RBMS3: variants seen among roughly 807,000 people sequenced by gnomAD.
The protein encoded by RBMS3 is RNA binding motif single stranded interacting protein 3, also known as RNA-binding motif, single-stranded-interacting protein 3.
RBMS3 carries 27 observed loss-of-function variants against 66.8 expected under a neutral mutation model. That is an observed-to-expected ratio of 0.40 (90% CI 0.30 to 0.56). The LOEUF (loss-of-function observed/expected upper bound fraction) is 0.56. RBMS3 is among the 20% of genes least tolerant of loss of function. The pLI is 0.40. For missense variants in RBMS3, 513 were observed against 549.5 expected (o/e 0.93, Z 0.66); for synonymous variants, 188 against 183.0 (o/e 1.03, Z -0.22).
At chr3:29,820,188 C>CAAAAAAAAAAAAAAA (rs71091078) in intron 6 of RBMS3, among the ~76,000 whole-genome samples, 4 of 69,818 alleles carry the variant, frequency 5.7e-5, no homozygotes, top group Non-Finnish European at 7.6e-5. Context: ...GACTTCTTCT[C>CAAAAAAAAAAAAAAA]AAAAAAAAAA....
intron 4 of RBMS3, 43 bp from the exon 5 acceptor site, chr3:29,739,677 C>G: frequency 6.8e-7 from 1 of 1,479,384 alleles, no homozygotes; most frequent in African/African-American, 1.4e-5. Context: ...CAATGTTTCT[C>G]AATACTCAGA....
intron 6 of RBMS3, among the ~76,000 whole-genome samples, chr3:29,832,217 A>G (rs1247764891): frequency 1.3e-5 from 2 of 152,226 alleles, no homozygotes; most frequent in African/African-American, 4.8e-5. Context: ...AAAGACACAT[A>G]CAAAGAGAGA....
intron 4 of RBMS3, among the ~76,000 whole-genome samples, chr3:29,712,484 T>C (rs1013389932): frequency 3.3e-5 from 5 of 152,054 alleles, no homozygotes; most frequent in African/African-American, 9.7e-5. Context: ...TGATAATGTT[T>C]ATAGTTTTTG....
intron 4 of RBMS3, among the ~76,000 whole-genome samples, chr3:29,678,519 G>A (rs148863406): frequency 3.7e-4 from 56 of 152,212 alleles, no homozygotes; most frequent in African/African-American, 1.3e-3. Context: ...TAGGGCAAAT[G>A]AAAACTGGCT....
At chr3:29,448,095 TG>T (rs1333202467) in intron 2 of RBMS3, among the ~76,000 whole-genome samples, 89 of 152,344 alleles carry the variant, frequency 5.8e-4, no homozygotes, top group East Asian at 2.9e-3. Flanking sequence ...ATGGGTGACC[TG>T]CATGTCTCAA....
chr3:29,305,894 A>G (rs2033975151), intron 1 of RBMS3, among the ~76,000 whole-genome samples: 1 of 152,052 alleles, frequency 6.6e-6, no homozygotes, highest in South Asian at 2.1e-4. Context: ...TCAAAATAGT[A>G]AACTGCATAG....
chr3:29,500,626 G>C (rs899235554), intron 3 of RBMS3, among the ~76,000 whole-genome samples: 2 of 151,856 alleles, frequency 1.3e-5, no homozygotes, highest in African/African-American at 4.8e-5. Flanking sequence ...ACAGTATTCA[G>C]TATTGCAATA....
chr3:29,491,924 C>T (rs1017311097), intron 3 of RBMS3, among the ~76,000 whole-genome samples: 5 of 151,714 alleles, frequency 3.3e-5, no homozygotes, highest in African/African-American at 7.3e-5. Context: ...ACCCAGGAGG[C>T]GGAGCTTGCA....
At chr3:29,393,362 A>T (rs925103913) in intron 1 of RBMS3, among the ~76,000 whole-genome samples, 4 of 152,222 alleles carry the variant, frequency 2.6e-5, no homozygotes, top group African/African-American at 9.6e-5. Flanking sequence ...TTATAAATAC[A>T]GTACAGTGTT....
At chr3:29,510,664 G>A (rs957353622) in intron 3 of RBMS3, among the ~76,000 whole-genome samples, 1 of 151,988 alleles carries the variant, frequency 6.6e-6, no homozygotes, top group Non-Finnish European at 1.5e-5. Context: ...TTTTCTTGGA[G>A]CATGAATTTT....
chr3:29,385,834 T>C (rs976446100), intron 1 of RBMS3, among the ~76,000 whole-genome samples: 3 of 152,238 alleles, frequency 2.0e-5, no homozygotes, highest in South Asian at 4.1e-4. Context: ...ATCTTACTTT[T>C]GGGTCGTTTG....
intron 6 of RBMS3, among the ~76,000 whole-genome samples, chr3:29,823,423 C>T (rs1353931680): frequency 6.6e-6 from 1 of 152,150 alleles, no homozygotes; most frequent in Non-Finnish European, 1.5e-5. Context: ...ATTCTCATAG[C>T]TGTGTAGTAT....
chr3:29,915,884 TGTA>T, intron 10 of RBMS3, among the ~76,000 whole-genome samples: 1 of 152,150 alleles, frequency 6.6e-6, no homozygotes, highest in South Asian at 2.1e-4. Flanking sequence ...TGCAAAAGCA[TGTA>T]GCTTTAGTCT....
intron 4 of RBMS3, among the ~76,000 whole-genome samples, chr3:29,735,122 C>T (rs995708056): frequency 2.6e-5 from 4 of 152,054 alleles, no homozygotes; most frequent in East Asian, 1.9e-4. Context: ...AAAACCCAGA[C>T]GTAACCTTTG....
chr3:29,639,680 G>T (rs1167630655), intron 4 of RBMS3, among the ~76,000 whole-genome samples: 36 of 151,500 alleles, frequency 2.4e-4, no homozygotes. Flanking sequence ...AGCTGGCCTT[G>T]GAAGTCCTCT....
intron 4 of RBMS3, among the ~76,000 whole-genome samples, chr3:29,718,935 A>G (rs1240211003): frequency 6.6e-6 from 1 of 152,170 alleles, no homozygotes; most frequent in African/African-American, 2.4e-5. Flanking sequence ...TGAATATTAG[A>G]GTGGGCTAGC....
intron 6 of RBMS3, among the ~76,000 whole-genome samples, chr3:29,838,936 A>T (rs1180132856): frequency 6.6e-6 from 1 of 152,128 alleles, no homozygotes; most frequent in Non-Finnish European, 1.5e-5. Flanking sequence ...GAAATTCACT[A>T]GTTTATGTTA....
At chr3:29,782,508 G>A (rs543833077) in intron 6 of RBMS3, among the ~76,000 whole-genome samples, 3 of 152,274 alleles carry the variant, frequency 2.0e-5, no homozygotes, top group South Asian at 4.1e-4. Context: ...GGAGCATCCC[G>A]TGGGACAAAA....
chr3:29,701,271 C>G lies in RBMS3; in HGVS notation c.400-38449C>G, dbSNP rs1007844214. Among the ~76,000 whole-genome samples the G allele has an allele frequency of 6.0e-4, 91 of 151,506 alleles. 2 individuals carry two copies. The highest frequency in any genetic ancestry group is 2.1e-3 in the African/African-American group (87 of 41,386). ...CAGCCTGGGCAATAAGAGCGAGACT[C>G]TGTCTCAAAAGAAAAAAAAAAAGAA... is the stretch of plus-strand genomic sequence containing the variant. On this transcript the variant is annotated intron_variant, in intron 4 of 14. Transcript: ENST00000383767.
Sources: gnomAD v4.1 joint callset for allele counts (sites outside exome capture counted in the v4.1 genomes callset) on GRCh38, gnomAD v4.1.1 for gene constraint, MANE v1.5 for transcripts, NCBI Gene and HGNC (gene_info 2026-07-23, HGNC 2026-07-21) for gene names.